DHRSX: variants seen among roughly 807,000 people sequenced by gnomAD.
DHRSX encodes the protein dehydrogenase/reductase X-linked, also known as polyprenol dehydrogenase.
In DHRSX, 31 loss-of-function variants were observed where a neutral mutation model predicts 34.0. The ratio of observed to expected loss-of-function variants is 0.91; its 90% CI spans 0.69 to 1.23. DHRSX has a LOEUF of 1.23. DHRSX is among the 50% of genes most tolerant of loss of function. DHRSX has a pLI of 0.00. For missense variants in DHRSX, 414 were observed against 428.1 expected (o/e 0.97, Z 0.29); for synonymous variants, 201 against 183.8 (o/e 1.09, Z -0.76).
intron 1 of DHRSX, among the ~76,000 whole-genome samples, chrX:2,432,994 C>T (rs924790559): frequency 1.3e-5 from 2 of 151,882 alleles, no homozygotes; most frequent in African/African-American, 2.4e-5. Flanking sequence ...TGTGGCGGTG[C>T]GTGCCTGTAG....
At chrX:2,489,879 G>C (rs777686603) in intron 1 of DHRSX, 19 of 1,613,872 alleles carry the variant, frequency 1.2e-5, no homozygotes, top group Non-Finnish European at 1.6e-5. Context: ...ACGTCCAGCA[G>C]GGAGCACGCC....
chrX:2,255,819 C>G lies in DHRSX; in HGVS notation c.596+10921G>C, dbSNP rs762851014. Among the ~76,000 whole-genome samples the G allele has an allele frequency of 1.6e-4, 24 of 151,528 alleles. 1 individual carries two copies. In the South Asian group the frequency reaches 4.8e-3, roughly 31 times the overall value. On this transcript the variant is annotated intron_variant, in intron 5 of 6. Transcript: ENST00000334651. ...GTCCCAGCTACCCGGGAGGCTGAGA[C>G]AGGAGAATCACTTGAACCCACGAGG...
At chrX:2,500,497 C>T (rs5939192) in intron 1 of DHRSX, 80,608 of 155,126 alleles carry the variant, frequency 0.52, 21,438 homozygotes, top group East Asian at 0.69. Flanking sequence ...GGGGGGGCGG[C>T]TGCACGGGGG....
chrX:2,284,187 TTTCAA>T (rs67889955), intron 4 of DHRSX, among the ~76,000 whole-genome samples: 56,639 of 151,808 alleles, frequency 0.37, 11,605 homozygotes, highest in Middle Eastern at 0.54. Context: ...CATACATTCC[TTTCAA>T]TTCATTTAGT....
At position 2,387,414 on chromosome X, in the gene DHRSX, T is replaced by A. The variant is rs189602810; in HGVS notation, c.286+21331A>T. ...ACGATCACAAGGTCCCACAATAGAC[T>A]GTCTGCAGGCTGAGGGGCAAGGAAG... is the stretch of plus-strand genomic sequence containing the variant. On this transcript the variant is annotated intron_variant, in intron 3 of 6. Coordinates refer to ENST00000334651, the MANE Select transcript of DHRSX (RefSeq NM_145177.3). Among the ~76,000 whole-genome samples, 433 of 152,230 alleles carry A rather than the reference T, an allele frequency of 2.8e-3. 2 individuals carry two copies. The highest frequency in any genetic ancestry group is 9.7e-3 in the African/African-American group (404 of 41,524).
At chrX:2,473,413 C>T (rs1336515305) in intron 1 of DHRSX, among the ~76,000 whole-genome samples, 2 of 152,114 alleles carry the variant, frequency 1.3e-5, no homozygotes, top group Non-Finnish European at 2.9e-5. Flanking sequence ...CACCTGAAGT[C>T]AGGAGTTCGA....
chrX:2,438,787 G>T (rs1306398959), intron 1 of DHRSX, among the ~76,000 whole-genome samples: 5 of 151,718 alleles, frequency 3.3e-5, no homozygotes, highest in Non-Finnish European at 5.9e-5. Context: ...ACACATTACA[G>T]AATGTATACA....
Position 2,378,821 on chromosome X carries a change from C to T in DHRSX, c.286+29924G>A, listed in dbSNP as rs184724448. On this transcript the variant is annotated intron_variant, in intron 3 of 6. Coordinates refer to ENST00000334651, the MANE Select transcript of DHRSX (RefSeq NM_145177.3). ...GAGTAGCTGGGATTGCAGGTGCGCA[C>T]CACCACGCCTGGCTACTTTTTTGTA... Among the ~76,000 whole-genome samples the T allele has an allele frequency of 9.9e-3, 1,511 of 152,106 alleles. 16 individuals are homozygous for T. The highest frequency in any genetic ancestry group is 0.02 in the Middle Eastern group (6 of 294).
intron 6 of DHRSX, among the ~76,000 whole-genome samples, chrX:2,238,917 T>C (rs969191832): frequency 6.6e-6 from 1 of 151,996 alleles, no homozygotes; most frequent in African/African-American, 2.4e-5. Context: ...AATGCATGCA[T>C]GCATGCATGC....
chrX:2,395,704 C>T (rs1313430793), intron 3 of DHRSX, among the ~76,000 whole-genome samples: 3 of 152,042 alleles, frequency 2.0e-5, no homozygotes, highest in Admixed American at 2.0e-4. Flanking sequence ...GAGTGACACA[C>T]GCATGTTCAG....
intron 1 of DHRSX, among the ~76,000 whole-genome samples, chrX:2,440,828 G>C (rs1343665567): frequency 1.3e-5 from 2 of 152,106 alleles, no homozygotes; most frequent in Non-Finnish European, 2.9e-5. Context: ...ACTTCACCTT[G>C]TGATCGTGTG....
intron 1 of DHRSX, among the ~76,000 whole-genome samples, chrX:2,468,234 T>G (rs1026169584): frequency 6.6e-6 from 1 of 152,052 alleles, no homozygotes; most frequent in Admixed American, 6.6e-5. Flanking sequence ...AGGAAGCCTG[T>G]GATGTGATTC....
chrX:2,463,213 G>A (rs911428313), intron 1 of DHRSX, among the ~76,000 whole-genome samples: 6 of 152,166 alleles, frequency 3.9e-5, no homozygotes, highest in Non-Finnish European at 7.3e-5. Flanking sequence ...TACTCAGAGA[G>A]GCTGTGGCAG....
chrX:2,306,941 T>C (rs1158470048), intron 3 of DHRSX, among the ~76,000 whole-genome samples: 1 of 135,592 alleles, frequency 7.4e-6, no homozygotes, highest in Non-Finnish European at 1.7e-5. Flanking sequence ...TTTTTTTTTT[T>C]TGATTGATAG....
chrX:2,245,967 AAAC>A (rs1416724432), intron 5 of DHRSX, among the ~76,000 whole-genome samples: 2 of 147,234 alleles, frequency 1.4e-5, no homozygotes, highest in Non-Finnish European at 3.0e-5. Flanking sequence ...ATCTCAAAAA[AAAC>A]AAAAAAACAA....
intron 6 of DHRSX, among the ~76,000 whole-genome samples, chrX:2,232,033 C>CCTCCCTTACTT (rs1556425135): frequency 2.1e-5 from 3 of 145,118 alleles, no homozygotes; most frequent in African/African-American, 7.8e-5. Flanking sequence ...TCTTCCTTCT[C>CCTCCCTTACTT]CTCCTTTTTC....
At chrX:2,355,511 T>TAAAAAAAAAAAAAAA (rs767512287) in intron 3 of DHRSX, among the ~76,000 whole-genome samples, 2 of 75,304 alleles carry the variant, frequency 2.7e-5, no homozygotes, top group African/African-American at 9.1e-5. Context: ...AGACCCCATC[T>TAAAAAAAAAAAAAAA]AAAAAAAAAA....
intron 3 of DHRSX, among the ~76,000 whole-genome samples, chrX:2,353,494 C>T (rs1449023134): frequency 1.3e-5 from 2 of 151,936 alleles, no homozygotes; most frequent in Admixed American, 1.3e-4. Flanking sequence ...GACAAAGGGT[C>T]ACTAAGAAGT....
At chrX:2,242,332 G>A (rs1365524096) in intron 6 of DHRSX, among the ~76,000 whole-genome samples, 1 of 148,388 alleles carries the variant, frequency 6.7e-6, no homozygotes, top group Admixed American at 6.7e-5. Flanking sequence ...GTCACCCACC[G>A]AGCTCGCACA....
Sources: allele counts gnomAD v4.1 joint callset (sites outside exome capture counted in the v4.1 genomes callset), GRCh38; gene constraint gnomAD v4.1.1; transcripts MANE v1.5; gene names NCBI Gene and HGNC (gene_info 2026-07-23, HGNC 2026-07-21).